Variants in CNOT11 observed in about 807,000 individuals in gnomAD.
CNOT11 encodes the protein UPF0760 protein C2orf29.
CNOT11 carries 18 observed loss-of-function variants against 44.6 expected under a neutral mutation model. The observed-to-expected ratio is 0.40, with a 90% CI of 0.28 to 0.60. CNOT11 has a LOEUF of 0.60. Among genes scored for constraint, CNOT11 ranks in the 20% least tolerant of loss-of-function variants. The pLI is 0.38. For synonymous variants in CNOT11, 291 were observed against 270.9 expected (o/e 1.07, Z -0.73); for missense variants, 513 against 677.0 (o/e 0.76, Z 2.69).
Position 101,253,411 on chromosome 2 carries a change from C to T in CNOT11, c.447C>T (p.Phe149=), listed in dbSNP as rs535809460. The part of the protein sequence containing the change: ...PLAANPFAAS[F]AHLLNPAPPA... The stretch of plus-strand genomic sequence containing the variant: ...CCGCCAACCCCTTCGCCGCCAGCTT[C>T]GCGCACCTGCTCAACCCCGCGCCGC... Residue 149 remains phenylalanine, a synonymous_variant, in exon 1 of 7, where the codon TTC becomes TTT. Transcript: ENST00000289382. The surrounding 1 kb of genome is among the most constrained non-coding windows in gnomAD (Gnocchi z 4.3). 7.8e-5 allele frequency: 124 copies of T among 1,586,082 alleles called. 1 individual carries two copies. The South Asian group carries it at 1.3e-3, about 16-fold the overall frequency.
At chr2:101,268,893 T>C in intron 5 of CNOT11, 147 bp from the exon 6 acceptor site, 1 of 588,738 alleles carries the variant, frequency 1.7e-6, no homozygotes. Context: ...CTTAGGTTAA[T>C]TTGCCCAAGT....
intron 2 of CNOT11, among the ~76,000 whole-genome samples, chr2:101,258,533 A>G (rs979755228): frequency 1.5e-4 from 23 of 152,114 alleles, no homozygotes; most frequent in Admixed American, 1.4e-3. Flanking sequence ...AGAAAGCTGG[A>G]TAAAATTTAG....
chr2:101,254,129 T>A (rs1470452946), intron 1 of CNOT11, among the ~76,000 whole-genome samples: 8 of 152,168 alleles, frequency 5.3e-5, no homozygotes, highest in Admixed American at 2.6e-4. Flanking sequence ...GCTGCATTTT[T>A]TTTTGTTTTT....
chr2:101,255,494 CA>C (rs200722137), intron 1 of CNOT11, among the ~76,000 whole-genome samples: 21,619 of 132,032 alleles, frequency 0.16, 1,899 homozygotes, highest in South Asian at 0.32. Flanking sequence ...GACTCCGTCT[CA>C]AAAAAAAAAA....
Position 101,257,740 on chromosome 2 carries a change from T to C in CNOT11, c.515-51T>C, listed in dbSNP as rs1681765761. Reference sequence around the variant, plus strand: ...AGTACTGATTTTACCAGATTCAAGTTGATTTTTAAAAGTAACCATTGGAGA... The same window carrying C: ...AGTACTGATTTTACCAGATTCAAGTCGATTTTTAAAAGTAACCATTGGAGA... On this transcript the variant is annotated intron_variant, in intron 1 of 6. Transcript: ENST00000289382. 2.0e-6 allele frequency: 3 copies of C among 1,494,532 alleles called. No individual in the cohort carries two copies. In the Admixed American group the frequency reaches 5.6e-5, roughly 28 times the overall value. The allele number at this position is 1,494,532 out of a possible 1,614,324, so 92.6% of individuals were successfully genotyped here.
chr2:101,258,001 G>A, intron 2 of CNOT11, 46 bp downstream of exon 2: 1 of 1,557,186 alleles, frequency 6.4e-7, no homozygotes, highest in South Asian at 1.2e-5. Context: ...GGTAATATTA[G>A]GCCTCTCTTG....
In CNOT11 at chr2:101,253,350, A is replaced by G; in HGVS notation, c.386A>G (p.Tyr129Cys). ...GCGGCGCAGCGCCTCACGGCGCTCTACCTGCTCTGGGAGATGTACCGCACC... is the reference window on the plus strand; with the variant it reads ...GCGGCGCAGCGCCTCACGGCGCTCTGCCTGCTCTGGGAGATGTACCGCACC... ...PSAAQRLTALYLLWEMYRTEP... is the reference protein window; with the variant it reads ...PSAAQRLTALCLLWEMYRTEP... The change falls in exon 1 of 7, where the codon TAC becomes TGC. Residue 129 changes from tyrosine to cysteine, a missense_variant. Tyr to Cys is a radical substitution (Grantham distance 194, BLOSUM62 -2). This residue lies in a region of CNOT11 where 259 missense variants were observed against 265.7 expected (regional missense o/e 0.97). Transcript: ENST00000289382. This position sits in a 1 kb window ranked among gnomAD's most constrained non-coding sequence, Gnocchi z 4.3. 7.5e-6 allele frequency: 12 copies of G among 1,602,012 alleles called. No homozygotes were observed. The highest frequency in any genetic ancestry group is 1.0e-5 in the Non-Finnish European group (12 of 1,178,944).
intron 2 of CNOT11, 42 bp downstream of exon 2, chr2:101,257,997 A>G: frequency 6.4e-7 from 1 of 1,567,714 alleles, no homozygotes; most frequent in East Asian, 2.3e-5. Flanking sequence ...GTGTGGTAAT[A>G]TTAGGCCTCT....
At chr2:101,262,805 T>C in intron 3 of CNOT11, 114 bp downstream of exon 3, 1 of 791,906 alleles carries the variant, frequency 1.3e-6, no homozygotes, top group Non-Finnish European at 2.0e-6. Context: ...AAATTGTAAT[T>C]TAGTGTGAAT....
chr2:101,258,006 C>G, intron 2 of CNOT11, 51 bp downstream of exon 2: 1 of 1,540,186 alleles, frequency 6.5e-7, no homozygotes, highest in Non-Finnish European at 8.9e-7. Flanking sequence ...TATTAGGCCT[C>G]TCTTGTTGAG....
At chr2:101,265,078 T>A in intron 4 of CNOT11, 31 bp downstream of exon 4, 2 of 1,341,062 alleles carry the variant, frequency 1.5e-6, no homozygotes, top group Non-Finnish European at 2.0e-6. Context: ...TTTTCTTATC[T>A]TTTTTTTTAA....
In CNOT11 at chr2:101,253,114, G is replaced by T; in HGVS notation, c.150G>T (p.Gly50=). 1 of 1,528,204 alleles carries T rather than the reference G, an allele frequency of 6.5e-7. No individual in the cohort carries two copies. The highest frequency in any genetic ancestry group is 8.7e-7 in the Non-Finnish European group (1 of 1,145,542). The allele number at this position is 1,528,204 out of a possible 1,614,324, so 94.7% of individuals were successfully genotyped here. ...GRGGASGPGS[G]SGGPGGPAGR... is the part of the protein sequence containing the mutation. ...GCGGAGCAAGCGGCCCCGGGTCCGG[G>T]AGCGGAGGCCCGGGGGGCCCCGCGG... The change falls in exon 1 of 7, where the codon GGG becomes GGT. Residue 50 remains glycine (G), a synonymous_variant. Transcript: ENST00000289382. The surrounding 1 kb of genome is among the most constrained non-coding windows in gnomAD (Gnocchi z 4.3).
In CNOT11 at chr2:101,269,452, T is replaced by A. The variant is rs772963281; in HGVS notation, c.*39T>A. The A allele has an allele frequency of 6.3e-7, 1 of 1,576,602 alleles. No homozygotes were observed. The highest frequency in any genetic ancestry group is 2.2e-5 in the East Asian group (1 of 44,660). On this transcript the variant is annotated 3_prime_UTR_variant, in exon 7 of 7. Transcript: ENST00000289382. The surrounding 1 kb of genome is among the most constrained non-coding windows in gnomAD (Gnocchi z 4.8). The stretch of plus-strand genomic sequence containing the variant: ...CCATCCCATCCATTCACTGTTCAGC[T>A]GTACTGTGATTTAGTTTTTACACCG...
In CNOT11 at chr2:101,253,804, GA is replaced by G. The variant is rs1573195510; in HGVS notation, c.514+328del. 6.6e-6 allele frequency among the ~76,000 whole-genome samples: 1 copy of G among 152,326 alleles called. No individual in the cohort carries two copies. The highest frequency in any genetic ancestry group is 3.4e-3 in the Middle Eastern group (1 of 294). ...CTTCGAAAACCCGTCTGTGGTGTGT[GA>G]AGTTAAAACCAATGATAAGACTGGA... On this transcript the variant is annotated intron_variant, in intron 1 of 6. Coordinates refer to ENST00000289382, the MANE Select transcript of CNOT11 (RefSeq NM_017546.5). This position sits in a 1 kb window ranked among gnomAD's most constrained non-coding sequence, Gnocchi z 4.3.
At position 101,265,086 on chromosome 2, in the gene CNOT11, T is replaced by A. The variant is rs368733108; in HGVS notation, c.1035+39T>A. 8.1e-4 allele frequency: 1,056 copies of A among 1,302,606 alleles called. 4 individuals are homozygous for A. In the Middle Eastern group the frequency reaches 0.012, roughly 15 times the overall value. The allele number at this position is 1,302,606 out of a possible 1,614,324, so 80.7% of individuals were successfully genotyped here. On this transcript the variant is annotated intron_variant, in intron 4 of 6. Coordinates refer to ENST00000289382, the MANE Select transcript of CNOT11 (RefSeq NM_017546.5). ...GTAAGCATTTTCTTATCTTTTTTTT[T>A]AAATTTATTTTTAATTAAAAAAATT...
At position 101,253,527 on chromosome 2, in the gene CNOT11, G is replaced by C. The variant is rs1388432901; in HGVS notation, c.514+49G>C. ...CGTGTGGATAGCGTTAGATTCCGCA[G>C]CTTTCCACCTGCGCTGCTGGGAACT... is the stretch of plus-strand genomic sequence containing the variant. On this transcript the variant is annotated intron_variant, in intron 1 of 6. Coordinates refer to ENST00000289382, the MANE Select transcript of CNOT11 (RefSeq NM_017546.5). This position sits in a 1 kb window ranked among gnomAD's most constrained non-coding sequence, Gnocchi z 4.3. 1 of 1,374,628 alleles carries C rather than the reference G, an allele frequency of 7.3e-7. No individual in the cohort carries two copies. The highest frequency in any genetic ancestry group is 2.9e-5 in the East Asian group (1 of 34,640). The allele number at this position is 1,374,628 out of a possible 1,614,324, so 85.2% of individuals were successfully genotyped here. A position where few individuals can be genotyped will look rare whatever the true frequency, so the allele number is the denominator to read the frequency against.
At chr2:101,266,355 G>T (rs1681982505) in intron 4 of CNOT11, among the ~76,000 whole-genome samples, 1 of 152,070 alleles carries the variant, frequency 6.6e-6, no homozygotes. Context: ...ACCTGCAAAG[G>T]ACTTGACATT....
At chr2:101,260,843 T>C (rs1394178243) in intron 2 of CNOT11, among the ~76,000 whole-genome samples, 1 of 151,926 alleles carries the variant, frequency 6.6e-6, no homozygotes, top group Admixed American at 6.5e-5. Context: ...TTTTTTCACA[T>C]TTTGGTTGAT....
At chr2:101,254,325 A>G (rs1042444599) in intron 1 of CNOT11, among the ~76,000 whole-genome samples, 1 of 152,192 alleles carries the variant, frequency 6.6e-6, no homozygotes, top group Non-Finnish European at 1.5e-5. Context: ...AGGGCCTGCT[A>G]TACAGTGAGT....
Sources: allele counts gnomAD v4.1 joint callset (sites outside exome capture counted in the v4.1 genomes callset), GRCh38; gene constraint gnomAD v4.1.1; regional missense constraint gnomAD v4.1.1; non-coding constraint Gnocchi (gnomAD v3.1); transcripts MANE v1.5; gene names NCBI Gene and HGNC (gene_info 2026-07-23, HGNC 2026-07-21).